Variants in LRRIQ3 observed in about 807,000 individuals in gnomAD.
LRRIQ3 encodes leucine-rich repeat and IQ domain-containing protein 3.
LRRIQ3 carries 75 observed loss-of-function variants against 59.3 expected under a neutral mutation model. The observed-to-expected ratio is 1.26, with a 90% CI of 1.05 to 1.53. The LOEUF is 1.53. Ranked by LOEUF, LRRIQ3 falls within the 40% of genes most tolerant of loss-of-function variation. The probability of loss-of-function intolerance (pLI) is 0.00; values close to 1 mark genes in which losing one functional copy is unlikely to be tolerated. For synonymous variants in LRRIQ3, 250 were observed against 231.3 expected (o/e 1.08, Z -0.73); for missense variants, 831 against 710.0 (o/e 1.17, Z -1.94).
Position 74,174,153 on chromosome 1 carries a change from C to T in LRRIQ3, c.573+8385G>A, listed in dbSNP as rs373662863. ...TTAACTTTGTAAGATATCCATAATGCGTTATATTGTTTTACTTGATGGTGT... is the reference window on the plus strand; with the variant it reads ...TTAACTTTGTAAGATATCCATAATGTGTTATATTGTTTTACTTGATGGTGT... On this transcript the variant is annotated intron_variant, in intron 3 of 7. Coordinates refer to ENST00000354431, the MANE Select transcript of LRRIQ3 (RefSeq NM_001105659.2). Among the ~76,000 whole-genome samples the T allele has an allele frequency of 9.2e-5, 14 of 152,034 alleles. No individual in the cohort carries two copies. In the East Asian group the frequency reaches 1.9e-3, roughly 21 times the overall value.
intron 6 of LRRIQ3, among the ~76,000 whole-genome samples, chr1:74,066,070 C>T (rs933989782): frequency 2.6e-5 from 4 of 151,720 alleles, no homozygotes; most frequent in Admixed American, 1.3e-4. Flanking sequence ...CCTGTAATCC[C>T]AGCTACTTGG....
At chr1:74,102,441 A>G (rs551426696) in intron 5 of LRRIQ3, among the ~76,000 whole-genome samples, 26 of 152,156 alleles carry the variant, frequency 1.7e-4, no homozygotes, top group African/African-American at 6.3e-4. Flanking sequence ...CATATCTGTT[A>G]AGATGGCTAT....
chr1:74,176,472 T>C (rs2100711105), intron 3 of LRRIQ3, among the ~76,000 whole-genome samples: 1 of 152,306 alleles, frequency 6.6e-6, no homozygotes, highest in South Asian at 2.1e-4. Flanking sequence ...TTTCTCAGCT[T>C]CTTAAATCTG....
At chr1:74,188,152 C>T (rs1044232019) in intron 1 of LRRIQ3, among the ~76,000 whole-genome samples, 2 of 151,930 alleles carry the variant, frequency 1.3e-5, no homozygotes, top group Admixed American at 1.3e-4. Context: ...TTATCCTCAG[C>T]AAAAAAATGC....
chr1:74,094,769 C>T (rs553850638), intron 5 of LRRIQ3, among the ~76,000 whole-genome samples: 2 of 152,190 alleles, frequency 1.3e-5, no homozygotes, highest in East Asian at 3.9e-4. Flanking sequence ...GCAAACATCA[C>T]TTACTGCCAC....
chr1:74,160,538 TTTAA>T (rs1358893252), intron 3 of LRRIQ3, among the ~76,000 whole-genome samples: 2 of 152,114 alleles, frequency 1.3e-5, no homozygotes, highest in African/African-American at 4.8e-5. Context: ...CTTTATTTGC[TTTAA>T]TTTTCTCTAC....
intron 4 of LRRIQ3, among the ~76,000 whole-genome samples, chr1:74,123,876 T>A (rs1226722376): frequency 6.6e-6 from 1 of 151,914 alleles, no homozygotes; most frequent in African/African-American, 2.4e-5. Context: ...TTGAGGAACA[T>A]CCAAGCTGTT....
At chr1:74,136,821 A>G (rs1367594855) in intron 4 of LRRIQ3, among the ~76,000 whole-genome samples, 1 of 151,984 alleles carries the variant, frequency 6.6e-6, no homozygotes, top group Non-Finnish European at 1.5e-5. Context: ...TATTAAGGCT[A>G]AAGGGAAAAC....
At chr1:74,078,791 A>G (rs1177432362) in intron 5 of LRRIQ3, 2 of 151,892 alleles carry the variant, frequency 1.3e-5, no homozygotes, top group Admixed American at 6.6e-5. Context: ...TAGGCTATAG[A>G]TAAATCCAGT....
intron 3 of LRRIQ3, among the ~76,000 whole-genome samples, chr1:74,156,243 A>T (rs948497434): frequency 6.6e-6 from 1 of 151,984 alleles, no homozygotes; most frequent in Non-Finnish European, 1.5e-5. Flanking sequence ...CCTGCCTCCC[A>T]TTCACCTTCC....
chr1:74,097,897 C>T (rs112077526), intron 5 of LRRIQ3, among the ~76,000 whole-genome samples: 129,316 of 152,114 alleles, frequency 0.85, 55,828 homozygotes, highest in East Asian at 0.97. Flanking sequence ...AAAGAGCTCC[C>T]GAAGGAAGCA....
chr1:74,073,610 T>TA (rs753297722), intron 6 of LRRIQ3, among the ~76,000 whole-genome samples: 3,554 of 46,624 alleles, frequency 0.076, 139 homozygotes, highest in African/African-American at 0.11. Flanking sequence ...GTCCATTCTT[T>TA]AAAAAAAAAA....
intron 1 of LRRIQ3, among the ~76,000 whole-genome samples, chr1:74,193,139 C>G (rs1650875750): frequency 6.6e-6 from 1 of 152,170 alleles, no homozygotes; most frequent in Admixed American, 6.6e-5. Flanking sequence ...GAGGAGGAAT[C>G]TAGTCACTTT....
intron 4 of LRRIQ3, among the ~76,000 whole-genome samples, chr1:74,147,781 A>T (rs1167692123): frequency 6.6e-6 from 1 of 152,100 alleles, no homozygotes; most frequent in Non-Finnish European, 1.5e-5. Flanking sequence ...TTTGGGGTTG[A>T]ATCTTTTTGA....
chr1:74,098,494 A>G (rs1258592324), intron 5 of LRRIQ3, among the ~76,000 whole-genome samples: 1 of 152,170 alleles, frequency 6.6e-6, no homozygotes, highest in Non-Finnish European at 1.5e-5. Flanking sequence ...AGGCAGATCA[A>G]CGAGACAGAA....
chr1:74,130,990 C>T (rs189273200), intron 4 of LRRIQ3, among the ~76,000 whole-genome samples: 2 of 152,082 alleles, frequency 1.3e-5, no homozygotes, highest in African/African-American at 4.8e-5. Flanking sequence ...ACCAGCAAGA[C>T]TAATACAGAA....
chr1:74,159,903 TTC>T (rs1032024307), intron 3 of LRRIQ3, among the ~76,000 whole-genome samples: 5 of 152,052 alleles, frequency 3.3e-5, no homozygotes, highest in African/African-American at 7.2e-5. Context: ...ATATTCCTCT[TTC>T]TCTCGCACCT....
At chr1:74,165,507 T>G (rs1648928175) in intron 3 of LRRIQ3, among the ~76,000 whole-genome samples, 1 of 151,596 alleles carries the variant, frequency 6.6e-6, no homozygotes, top group South Asian at 2.1e-4. Context: ...GAGGATTTTT[T>G]ACATAGGTGA....
intron 5 of LRRIQ3, among the ~76,000 whole-genome samples, chr1:74,108,011 T>C (rs1461415383): frequency 6.6e-6 from 1 of 151,826 alleles, no homozygotes; most frequent in Non-Finnish European, 1.5e-5. Flanking sequence ...TGGTACATTT[T>C]ATATAACTTT....
Sources: allele counts gnomAD v4.1 joint callset (sites outside exome capture counted in the v4.1 genomes callset), GRCh38; gene constraint gnomAD v4.1.1; transcripts MANE v1.5; gene names NCBI Gene and HGNC (gene_info 2026-07-23, HGNC 2026-07-21).